Variants in SAMHD1 observed in about 807,000 individuals in gnomAD.
The protein encoded by SAMHD1 is SAM and HD domain containing deoxynucleoside triphosphate triphosphohydrolase 1, also known as deoxynucleoside triphosphate triphosphohydrolase SAMHD1.
Under a neutral mutation model 79.6 loss-of-function variants are expected in SAMHD1, and 54 were observed. The observed-to-expected ratio is 0.68, with a 90% CI of 0.55 to 0.85. The LOEUF (loss-of-function observed/expected upper bound fraction) is 0.85. Among genes scored for constraint, SAMHD1 ranks in the 40% least tolerant of loss-of-function variants. The pLI is 0.00. For synonymous variants in SAMHD1, 260 were observed against 264.1 expected (o/e 0.98, Z 0.15); for missense variants, 663 against 782.7 (o/e 0.85, Z 1.82).
At chr20:36,924,375 AAG>A (rs1303292786) in intron 6 of SAMHD1, among the ~76,000 whole-genome samples, 1 of 151,864 alleles carries the variant, frequency 6.6e-6, no homozygotes, top group East Asian at 1.9e-4. Flanking sequence ...ATGAGAAAGA[AAG>A]AAAGTGAGAA....
Position 36,930,772 on chromosome 20 carries a change from A to G in SAMHD1, c.613T>C (p.Cys205Arg). The G allele has an allele frequency of 6.2e-7, 1 of 1,611,846 alleles. No homozygotes were observed. Residue 205 changes from cysteine (C) to arginine (R), a missense_variant, in exon 5 of 16, where the codon TGT becomes CGT. Physicochemically the swap from Cys to Arg is radical, Grantham distance 180 (BLOSUM62 -3). Transcript: ENST00000646673. Reference protein sequence around the residue: ...DVLCVQIAGLCHDLGHGPFSH... With the variant: ...DVLCVQIAGLRHDLGHGPFSH... ...TTGTACAGCTTACCGAGATCATGAC[A>G]AAGTCCAGCAATCTGAACACAGAGA... is the stretch of plus-strand genomic sequence containing the variant.
intron 7 of SAMHD1, chr20:36,917,274 CT>C (rs1019904750): frequency 1.9e-6 from 1 of 523,706 alleles, no homozygotes; most frequent in African/African-American, 1.9e-5. Context: ...ACCACATTTT[CT>C]TGTGCCACTG....
intron 2 of SAMHD1, chr20:36,946,499 A>G (rs1405292041): frequency 8.9e-6 from 4 of 448,328 alleles, no homozygotes; most frequent in Non-Finnish European, 1.6e-5. Context: ...AGGCAGGAGA[A>G]TAACTTGAAG....
chr20:36,912,449 C>T lies in SAMHD1; in HGVS notation c.1154+12G>A. ...GAAAATTTTATAGGGAAATGACAATCAAGTTTCTTACATTGTATCAATAAT... is the reference window on the plus strand; with the variant it reads ...GAAAATTTTATAGGGAAATGACAATTAAGTTTCTTACATTGTATCAATAAT... On this transcript the variant is annotated intron_variant, in intron 10 of 15. Transcript: ENST00000646673. The T allele has an allele frequency of 6.4e-7, 1 of 1,568,480 alleles. No individual in the cohort carries two copies. Among genetic ancestry groups the T allele is most frequent in the Non-Finnish European group, 8.8e-7 (1 of 1,138,782 alleles).
intron 2 of SAMHD1, among the ~76,000 whole-genome samples, chr20:36,943,663 C>G (rs1248359168): frequency 6.6e-6 from 1 of 152,084 alleles, no homozygotes; most frequent in Non-Finnish European, 1.5e-5. Context: ...GCACATGGCT[C>G]CCTTGAAAAG....
At position 36,919,374 on chromosome 20, in the gene SAMHD1, T is replaced by C; in HGVS notation, c.842A>G (p.Glu281Gly). The C allele has an allele frequency of 6.2e-7, 1 of 1,613,534 alleles. No individual in the cohort carries two copies. The highest frequency in any genetic ancestry group is 8.5e-7 in the Non-Finnish European group (1 of 1,179,646). The stretch of plus-strand genomic sequence containing the variant: ...TGTACATAAACTTACCAATGAATCT[T>C]CGACAGGTGATTCAAGTGGTCCTAC... ...QIVGPLESPV[E>G]DSLWPYKGRP... is the part of the protein sequence containing the mutation. The change falls in exon 7 of 16, where the codon GAA becomes GGA. Residue 281 changes from glutamate to glycine, a missense_variant. Transcript: ENST00000646673.
chr20:36,949,755 C>CAAA (rs34682795), intron 1 of SAMHD1, among the ~76,000 whole-genome samples: 25 of 69,806 alleles, frequency 3.6e-4, no homozygotes, highest in African/African-American at 5.4e-4. Context: ...GACTCTGTCT[C>CAAA]AAAAAAAAAA....
At chr20:36,926,859 G>A (rs1470616289) in intron 6 of SAMHD1, 1 of 271,176 alleles carries the variant, frequency 3.7e-6, no homozygotes, top group East Asian at 8.5e-5. Context: ...TAGTACAATG[G>A]AGCAGAAGGA....
intron 6 of SAMHD1, 100 bp from the exon 7 acceptor site, chr20:36,919,619 G>T: frequency 1.9e-6 from 2 of 1,040,028 alleles, no homozygotes; most frequent in Admixed American, 2.0e-5. Flanking sequence ...CTGAGATAAA[G>T]GTCTATTGCA....
At position 36,907,091 on chromosome 20, in the gene SAMHD1, C is replaced by CT. The variant is rs75717058; in HGVS notation, c.1271-1589dup. Among the ~76,000 whole-genome samples the CT allele has an allele frequency of 5.3e-3, 741 of 139,908 alleles. 4 individuals carry two copies. The highest frequency in any genetic ancestry group is 5.7e-3 in the Admixed American group (78 of 13,722). The allele number at this position is 139,908 out of a possible 152,430, so 91.8% of individuals were successfully genotyped here. ...CCAGGTATGAGCCACTGCACCTGGC[C>CT]TTTTTTTTTTTTTTTAAGGAGACAA... On this transcript the variant is annotated intron_variant, in intron 11 of 15. Transcript: ENST00000646673.
At chr20:36,943,600 G>A (rs527597276) in intron 2 of SAMHD1, among the ~76,000 whole-genome samples, 144 of 152,254 alleles carry the variant, frequency 9.5e-4, no homozygotes, top group African/African-American at 3.3e-3. Flanking sequence ...TACATAGTGA[G>A]CTTTCCAAAA....
At chr20:36,937,919 G>A (rs1457167827) in intron 3 of SAMHD1, among the ~76,000 whole-genome samples, 5 of 148,254 alleles carry the variant, frequency 3.4e-5, no homozygotes, top group African/African-American at 1.0e-4. Context: ...GTGCAGCGGC[G>A]TGATCATGGC....
chr20:36,951,045 C>G (rs1039050527), intron 1 of SAMHD1, among the ~76,000 whole-genome samples: 1 of 152,238 alleles, frequency 6.6e-6, no homozygotes, highest in Non-Finnish European at 1.5e-5. Context: ...TCGCTTGTCC[C>G]GCGCCGGGGT....
chr20:36,905,614 A>G, intron 11 of SAMHD1, 111 bp from the exon 12 acceptor site: 4 of 934,028 alleles, frequency 4.3e-6, no homozygotes, highest in Admixed American at 2.3e-5. Context: ...AAATGTAGGT[A>G]CATTATTATT....
chr20:36,944,343 C>T (rs2063670287), intron 2 of SAMHD1, among the ~76,000 whole-genome samples: 1 of 150,620 alleles, frequency 6.6e-6, no homozygotes. Flanking sequence ...AAAGAAAGGG[C>T]TAAGATGAGG....
chr20:36,936,414 A>G (rs1478455619), intron 3 of SAMHD1, among the ~76,000 whole-genome samples: 1 of 151,936 alleles, frequency 6.6e-6, no homozygotes, highest in African/African-American at 2.4e-5. Flanking sequence ...TCAAACTCCT[A>G]GGCTCCAGGG....
intron 3 of SAMHD1, 58 bp downstream of exon 3, chr20:36,940,973 GAATTTTAC>G: frequency 8.2e-7 from 1 of 1,226,106 alleles, no homozygotes; most frequent in Middle Eastern, 2.1e-4. Context: ...TCTTCAAAAT[GAATTTTAC>G]ATAATTGAGT....
chr20:36,912,760 T>TTA (rs966818372), intron 9 of SAMHD1, among the ~76,000 whole-genome samples: 2 of 144,556 alleles, frequency 1.4e-5, no homozygotes, highest in African/African-American at 5.2e-5. Flanking sequence ...CATTTTTTTT[T>TTA]TTTTTTTTTT....
intron 6 of SAMHD1, among the ~76,000 whole-genome samples, chr20:36,925,219 C>T (rs6030188): frequency 0.83 from 126,217 of 151,916 alleles, 52,818 homozygotes; most frequent in East Asian, 0.99. Flanking sequence ...AAATTGTACA[C>T]GAGCTAAGGA....
Sources: gnomAD v4.1 joint callset for allele counts (sites outside exome capture counted in the v4.1 genomes callset) on GRCh38, gnomAD v4.1.1 for gene constraint, MANE v1.5 for transcripts, NCBI Gene and HGNC (gene_info 2026-07-23, HGNC 2026-07-21) for gene names.